Variants in PTGES3 observed in about 807,000 individuals in gnomAD.
PTGES3 encodes Hsp90 co-chaperone.
Under a neutral mutation model 29.9 loss-of-function variants are expected in PTGES3, and 5 were observed. That is an observed-to-expected ratio of 0.17 (90% CI 0.09 to 0.35). PTGES3 has a LOEUF of 0.35. Ranked by LOEUF, PTGES3 falls within the 10% of genes least tolerant of loss-of-function variation. The pLI is 1.00. For synonymous variants in PTGES3, 49 were observed against 57.8 expected, an observed-to-expected ratio of 0.85 and a Z score of 0.69; for missense variants, 128 against 190.0, an observed-to-expected ratio of 0.67 and a Z score of 1.92.
At chr12:56,665,650 CTTTCTT>C (rs1951757666) in intron 6 of PTGES3, 3 of 984,544 alleles carry the variant, frequency 3.0e-6, no homozygotes, top group Non-Finnish European at 3.6e-6. Context: ...TGACTCTCTT[CTTTCTT>C]TTTGAGATGG....
intron 7 of PTGES3, 86 bp downstream of exon 7, chr12:56,664,690 C>A: frequency 6.7e-7 from 1 of 1,492,604 alleles, no homozygotes; most frequent in South Asian, 1.2e-5. Context: ...AATTACTTTA[C>A]TTCCAAAGAA....
intron 1 of PTGES3, among the ~76,000 whole-genome samples, chr12:56,675,718 C>G (rs1001750006): frequency 6.6e-6 from 1 of 151,878 alleles, no homozygotes. Context: ...GTCAGGAGTT[C>G]AGAGACCAGC....
chr12:56,669,674 C>T (rs1951926733), intron 5 of PTGES3, among the ~76,000 whole-genome samples: 2 of 152,006 alleles, frequency 1.3e-5, no homozygotes, highest in African/African-American at 4.8e-5. Context: ...TCCAGTGGCA[C>T]GATCTCGGCT....
At position 56,672,973 on chromosome 12, in the gene PTGES3, T is replaced by C; in HGVS notation, c.95A>G (p.Glu32Gly). 2 of 1,603,798 alleles carry C rather than the reference T, an allele frequency of 1.2e-6. No individual in the cohort carries two copies. Among genetic ancestry groups the C allele is most frequent in the South Asian group, 2.3e-5 (2 of 88,252 alleles). ...TTACCTGAATGTAAGTTTGGATTTT[T>C]CAAAATTTACATTAACATCCTTACT... ...EDSKDVNVNF[E>G]KSKLTFSCLG... Residue 32 changes from glutamate (E) to glycine (G), a missense_variant, in exon 2 of 8, where the codon GAA becomes GGA. Glu to Gly is a moderately conservative substitution (Grantham distance 98). Coordinates refer to ENST00000262033, the MANE Select transcript of PTGES3 (RefSeq NM_006601.7).
intron 1 of PTGES3, among the ~76,000 whole-genome samples, chr12:56,673,484 GGAAAAAAAAAAAAA>G (rs372274690): frequency 0.24 from 8,997 of 36,844 alleles, 1,035 homozygotes; most frequent in African/African-American, 0.44. Flanking sequence ...ATACAAATAC[GGAAAAAAAAAAAAA>G]AAAAAAAAAA....
At chr12:56,687,784 G>A (rs1952952778) in intron 1 of PTGES3, 10 of 1,386,250 alleles carry the variant, frequency 7.2e-6, no homozygotes, top group East Asian at 6.0e-5. Flanking sequence ...GGGAAGCCAA[G>A]GAACGGTTCA....
Position 56,671,734 on chromosome 12 carries a change from GA to G in PTGES3, c.285+14del. The G allele has an allele frequency of 6.8e-7, 1 of 1,469,204 alleles. No homozygotes were observed. Among genetic ancestry groups the G allele is most frequent in the South Asian group, 1.3e-5 (1 of 74,234 alleles). 91.0% of individuals were successfully genotyped at this position (1,469,204 alleles called of 1,614,324 possible). ...AAAAATATCAAACTTTTCAAAAAAGGAAAATGAAACCTACCTTTGCCCTTTC... is the reference window on the plus strand; with the variant it reads ...AAAAATATCAAACTTTTCAAAAAAGGAAATGAAACCTACCTTTGCCCTTTC... On this transcript the variant is annotated intron_variant, in intron 4 of 7. Coordinates refer to ENST00000262033, the MANE Select transcript of PTGES3 (RefSeq NM_006601.7).
At chr12:56,686,926 A>G (rs751226753) in intron 1 of PTGES3, 2 of 397,878 alleles carry the variant, frequency 5.0e-6, no homozygotes, top group Middle Eastern at 6.3e-4. Flanking sequence ...GTCTAAAACA[A>G]AAGAAAAAAA....
At chr12:56,681,698 T>A (rs1248032206) in intron 1 of PTGES3, among the ~76,000 whole-genome samples, 3 of 145,578 alleles carry the variant, frequency 2.1e-5, no homozygotes, top group East Asian at 2.1e-4. Context: ...AAAAAAAAAA[T>A]ACAAAAATTA....
In PTGES3 at chr12:56,688,211, G is replaced by T; in HGVS notation, c.-212C>A. Reference sequence around the variant, plus strand: ...AAAGAGCGGCTCCTCCGGTCGGGGAGAAGAGGAAAGTGTAGGAAAAGGGGC... The same window carrying T: ...AAAGAGCGGCTCCTCCGGTCGGGGATAAGAGGAAAGTGTAGGAAAAGGGGC... On this transcript the variant is annotated 5_prime_UTR_variant, in exon 1 of 8. Coordinates refer to ENST00000262033, the MANE Select transcript of PTGES3 (RefSeq NM_006601.7). 1 of 861,764 alleles carries T rather than the reference G, an allele frequency of 1.2e-6. No individual in the cohort carries two copies. Among genetic ancestry groups the T allele is most frequent in the Non-Finnish European group, 1.6e-6 (1 of 609,556 alleles). 53.4% of individuals were successfully genotyped at this position (861,764 alleles called of 1,614,324 possible). A position where few individuals can be genotyped will look rare whatever the true frequency, so the allele number is the denominator to read the frequency against.
intron 1 of PTGES3, among the ~76,000 whole-genome samples, chr12:56,678,768 T>C (rs1173425110): frequency 6.6e-6 from 1 of 152,184 alleles, no homozygotes; most frequent in Non-Finnish European, 1.5e-5. Flanking sequence ...CAAAATGTAA[T>C]TGCTTGGATT....
intron 1 of PTGES3, among the ~76,000 whole-genome samples, chr12:56,685,733 G>T (rs894639313): frequency 6.8e-6 from 1 of 146,202 alleles, no homozygotes; most frequent in Non-Finnish European, 1.5e-5. Flanking sequence ...AACTAGAGAG[G>T]CTACTTTTTG....
intron 1 of PTGES3, among the ~76,000 whole-genome samples, chr12:56,683,473 C>CTAAAAAAAA (rs1952656516): frequency 3.4e-5 from 1 of 29,750 alleles, no homozygotes; most frequent in South Asian, 2.4e-3. Context: ...AACTCTGTCT[C>CTAAAAAAAA]AAAAAAAAAA....
intron 5 of PTGES3, 125 bp from the exon 6 acceptor site, chr12:56,666,391 A>G (rs1951787968): frequency 8.6e-7 from 1 of 1,167,430 alleles, no homozygotes; most frequent in Non-Finnish European, 1.1e-6. Context: ...ATGCAAATAT[A>G]AGCATCTTTC....
chr12:56,665,627 C>A (rs1951756343), intron 6 of PTGES3: 6 of 985,316 alleles, frequency 6.1e-6, no homozygotes, highest in Non-Finnish European at 7.2e-6. Flanking sequence ...TAGTCAAAAT[C>A]ATACCTATAA....
At position 56,672,827 on chromosome 12, in the gene PTGES3, G is replaced by A. The variant is rs1952058783; in HGVS notation, c.117-18C>T. On this transcript the variant is annotated intron_variant, in intron 2 of 7. Transcript: ENST00000262033. The stretch of plus-strand genomic sequence containing the variant: ...CGAGACAACTGTATAAAATAATAAA[G>A]AAAGAATTAAGCCTCTTCAAAGAGA... 1 of 1,559,158 alleles carries A rather than the reference G, an allele frequency of 6.4e-7. No homozygotes were observed. The highest frequency in any genetic ancestry group is 8.7e-7 in the Non-Finnish European group (1 of 1,155,438).
In PTGES3 at chr12:56,688,101, T is replaced by C; in HGVS notation, c.-102A>G. ...TCTCCGGTGGCGACTCCGCTTTTTC[T>C]CTCCGGTCGCGGCCTCTTCTCGCTT... On this transcript the variant is annotated 5_prime_UTR_variant, in exon 1 of 8. Coordinates refer to ENST00000262033, the MANE Select transcript of PTGES3 (RefSeq NM_006601.7). 7 of 1,427,672 alleles carry C rather than the reference T, an allele frequency of 4.9e-6. No homozygotes were observed. The highest frequency in any genetic ancestry group is 1.5e-5 in the South Asian group (1 of 67,236). The allele number at this position is 1,427,672 out of a possible 1,614,324, so 88.4% of individuals were successfully genotyped here. A position where few individuals can be genotyped will look rare whatever the true frequency, so the allele number is the denominator to read the frequency against.
At chr12:56,685,453 T>A (rs1338474129) in intron 1 of PTGES3, among the ~76,000 whole-genome samples, 2 of 149,650 alleles carry the variant, frequency 1.3e-5, no homozygotes, top group Non-Finnish European at 3.0e-5. Flanking sequence ...CAGGCTGGAG[T>A]ACAGTGGCGC....
chr12:56,685,608 G>A (rs1263353275), intron 1 of PTGES3, among the ~76,000 whole-genome samples: 2 of 151,134 alleles, frequency 1.3e-5, no homozygotes, highest in Non-Finnish European at 3.0e-5. Context: ...CACCGTGTTA[G>A]CCAGGATGGT....
Sources: gnomAD v4.1 joint callset for allele counts (sites outside exome capture counted in the v4.1 genomes callset) on GRCh38, gnomAD v4.1.1 for gene constraint, MANE v1.5 for transcripts, NCBI Gene and HGNC (gene_info 2026-07-23, HGNC 2026-07-21) for gene names.